NCAM1: variants seen among roughly 807,000 people sequenced by gnomAD.
The protein encoded by NCAM1 is neural cell adhesion molecule 1, also known as antigen recognized by monoclonal antibody 5.1H11.
In NCAM1, 14 loss-of-function variants were observed where a neutral mutation model predicts 109.8. That is an observed-to-expected ratio of 0.13 (90% CI 0.08 to 0.20). NCAM1 has a LOEUF of 0.20. Ranked by LOEUF, NCAM1 falls within the 10% of genes least tolerant of loss-of-function variation. The pLI, the probability that NCAM1 is intolerant of heterozygous loss-of-function variation, is 1.00. For missense variants in NCAM1, 774 were observed against 1,109.9 expected (o/e 0.70, Z 4.30); for synonymous variants, 418 against 442.9 (o/e 0.94, Z 0.70).
intron 14 of NCAM1, chr11:113,236,158 G>C: frequency 1.2e-6 from 1 of 836,520 alleles, no homozygotes; most frequent in South Asian, 1.7e-5. Flanking sequence ...TCTTTCTCTG[G>C]ATTTGAAGTA....
intron 1 of NCAM1, among the ~76,000 whole-genome samples, chr11:113,077,487 C>T (rs148599239): frequency 7.2e-5 from 11 of 152,284 alleles, no homozygotes; most frequent in African/African-American, 2.6e-4. Flanking sequence ...TACAGAGTAT[C>T]AGCCTGCTTT....
intron 1 of NCAM1, among the ~76,000 whole-genome samples, chr11:113,098,256 G>A (rs913900748): frequency 6.6e-6 from 1 of 152,128 alleles, no homozygotes; most frequent in Admixed American, 6.5e-5. Context: ...AGAGGAGATT[G>A]ATTCTAGGAT....
At chr11:113,264,229 T>C (rs951709493) in intron 17 of NCAM1, 4 of 984,594 alleles carry the variant, frequency 4.1e-6, no homozygotes, top group Non-Finnish European at 4.8e-6. Context: ...CTTTTTGGTT[T>C]CTTTATGTAT....
intron 1 of NCAM1, among the ~76,000 whole-genome samples, chr11:113,094,206 G>A (rs1555089919): frequency 6.6e-6 from 1 of 152,112 alleles, no homozygotes; most frequent in Non-Finnish European, 1.5e-5. Flanking sequence ...GAACCAAAGA[G>A]GTAACTTAAA....
intron 1 of NCAM1, among the ~76,000 whole-genome samples, chr11:113,143,398 T>G (rs1941900428): frequency 6.6e-6 from 1 of 152,214 alleles, no homozygotes; most frequent in South Asian, 2.1e-4. Flanking sequence ...GGTTTTTTAC[T>G]TGGTAGTAAA....
At chr11:113,017,458 G>C (rs1952238603) in intron 1 of NCAM1, among the ~76,000 whole-genome samples, 1 of 152,104 alleles carries the variant, frequency 6.6e-6, no homozygotes, top group Admixed American at 6.5e-5. Flanking sequence ...AGAAAACAAT[G>C]GTTAGTATTC....
chr11:112,965,940 C>T (rs1555065221), intron 1 of NCAM1, among the ~76,000 whole-genome samples: 1 of 152,142 alleles, frequency 6.6e-6, no homozygotes, highest in Non-Finnish European at 1.5e-5. Context: ...CACCTGCCCC[C>T]GTCAGTCTGC....
intron 1 of NCAM1, among the ~76,000 whole-genome samples, chr11:113,185,065 T>C: frequency 3.4e-5 from 2 of 59,006 alleles, no homozygotes; most frequent in Admixed American, 4.9e-4. Flanking sequence ...TGTGCATTTA[T>C]ATTTATATAT....
intron 1 of NCAM1, among the ~76,000 whole-genome samples, chr11:112,981,839 A>G (rs1324250679): frequency 6.6e-6 from 1 of 151,976 alleles, no homozygotes; most frequent in African/African-American, 2.4e-5. Context: ...GACATCTTAG[A>G]CATAGAGATG....
intron 1 of NCAM1, among the ~76,000 whole-genome samples, chr11:112,983,975 C>T (rs368515988): frequency 1.1e-3 from 173 of 151,944 alleles, no homozygotes; most frequent in African/African-American, 3.7e-3. Context: ...ACCTGGTGAT[C>T]ATGTGGTGCT....
At chr11:113,005,046 G>C (rs10750019) in intron 1 of NCAM1, among the ~76,000 whole-genome samples, 68,505 of 151,758 alleles carry the variant, frequency 0.45, 16,323 homozygotes, top group East Asian at 0.8. Context: ...TTGATGTTCT[G>C]TCCTCCCCCA....
At chr11:113,159,591 A>G (rs529646238) in intron 1 of NCAM1, among the ~76,000 whole-genome samples, 8 of 152,200 alleles carry the variant, frequency 5.3e-5, no homozygotes, top group Non-Finnish European at 4.4e-5. Flanking sequence ...CTTTTTCTGC[A>G]TATATAAACA....
chr11:113,205,752 C>G (rs1944217509), intron 4 of NCAM1, 86 bp downstream of exon 4: 1 of 1,497,398 alleles, frequency 6.7e-7, no homozygotes, highest in Non-Finnish European at 9.0e-7. Flanking sequence ...CATTCCAGTC[C>G]AAACTCCAAT....
intron 1 of NCAM1, among the ~76,000 whole-genome samples, chr11:113,065,597 T>C (rs1304532178): frequency 2.6e-5 from 4 of 152,212 alleles, no homozygotes; most frequent in African/African-American, 9.6e-5. Context: ...CCCAGTCTAA[T>C]TGTGAGAAAG....
Position 113,144,368 on chromosome 11 carries a change from G to A in NCAM1, c.53-58011G>A, listed in dbSNP as rs115169612. Among the ~76,000 whole-genome samples the A allele has an allele frequency of 8.2e-3, 1,243 of 152,254 alleles. 19 individuals carry two copies. The highest frequency in any genetic ancestry group is 0.028 in the African/African-American group (1,183 of 41,550). ...AAGGTGTGCACTTAGTTTATATGAA[G>A]CATATGATTTTGTTCTACTTCTTAA... On this transcript the variant is annotated intron_variant, in intron 1 of 19. Coordinates refer to ENST00000316851, the MANE Select transcript of NCAM1 (RefSeq NM_181351.5).
intron 14 of NCAM1, chr11:113,240,501 T>C (rs1945289367): frequency 2.2e-6 from 1 of 465,098 alleles, no homozygotes; most frequent in South Asian, 3.6e-5. Flanking sequence ...GAACTGGATA[T>C]TTGTTTTCAG....
At chr11:113,203,100 G>C (rs905997033) in intron 2 of NCAM1, among the ~76,000 whole-genome samples, 5 of 152,172 alleles carry the variant, frequency 3.3e-5, no homozygotes, top group Non-Finnish European at 7.4e-5. Flanking sequence ...GGAGGAAAAG[G>C]TTTCAAATTA....
intron 17 of NCAM1, chr11:113,263,917 A>C (rs1946076391): frequency 1.0e-6 from 1 of 985,438 alleles, no homozygotes; most frequent in Non-Finnish European, 1.2e-6. Flanking sequence ...CCAACCTGTC[A>C]GTGCTTCCTG....
chr11:113,054,972 G>A (rs971945487), intron 1 of NCAM1, among the ~76,000 whole-genome samples: 1 of 152,120 alleles, frequency 6.6e-6, no homozygotes, highest in South Asian at 2.1e-4. Context: ...GGGCGACCTG[G>A]CTGGAGAATG....
Sources: gnomAD v4.1 joint callset for allele counts (sites outside exome capture counted in the v4.1 genomes callset) on GRCh38, gnomAD v4.1.1 for gene constraint, MANE v1.5 for transcripts, NCBI Gene and HGNC (gene_info 2026-07-23, HGNC 2026-07-21) for gene names.